The following TTC6 variants were observed in gnomAD, a reference collection of about 807,000 sequenced individuals.
TTC6 encodes the protein tetratricopeptide repeat domain 6.
A neutral mutation model predicts 210.4 loss-of-function variants in TTC6; 172 were observed. That is an observed-to-expected ratio of 0.82 (90% CI 0.72 to 0.93). The LOEUF (loss-of-function observed/expected upper bound fraction) is 0.93, where lower values mean the gene tolerates loss of function less well. Ranked by LOEUF, TTC6 falls within the 40% of genes least tolerant of loss-of-function variation. The pLI is 0.00. For synonymous variants in TTC6, 804 were observed against 819.6 expected (o/e 0.98, Z 0.32); for missense variants, 2,414 against 2,318.1 (o/e 1.04, Z -0.85).
intron 12 of TTC6, among the ~76,000 whole-genome samples, chr14:37,750,426 C>T (rs2095948326): frequency 6.6e-6 from 1 of 152,182 alleles, no homozygotes; most frequent in South Asian, 2.1e-4. Flanking sequence ...TTTGTGTCAT[C>T]ACAACCTAAC....
intron 19 of TTC6, among the ~76,000 whole-genome samples, 187 bp downstream of exon 21, chr14:37,796,557 T>A (rs560519455): frequency 6.6e-6 from 1 of 152,200 alleles, no homozygotes; most frequent in East Asian, 1.9e-4. Flanking sequence ...TGAGAGAGAA[T>A]TTTTATGGGA....
chr14:37,826,950 G>A (rs148751182), intron 28 of TTC6, among the ~76,000 whole-genome samples: 74 of 152,100 alleles, frequency 4.9e-4, no homozygotes, highest in African/African-American at 1.7e-3. Context: ...TCTATTCCTT[G>A]GAAAGGAACT....
At chr14:37,805,699 T>C (rs1320967281) in intron 21 of TTC6, among the ~76,000 whole-genome samples, 1 of 152,064 alleles carries the variant, frequency 6.6e-6, no homozygotes, top group Non-Finnish European at 1.5e-5. Context: ...GTTTTTTTGT[T>C]TGTTTGTTTG....
At chr14:37,646,301 G>C (rs1351902002) in intron 1 of TTC6, among the ~76,000 whole-genome samples, 1 of 152,074 alleles carries the variant, frequency 6.6e-6, no homozygotes, top group Admixed American at 6.6e-5. Flanking sequence ...TCTCTGTTGT[G>C]ACATTGGACA....
intron 14 of TTC6, among the ~76,000 whole-genome samples, chr14:37,774,963 G>A (rs909338412): frequency 5.3e-5 from 8 of 152,044 alleles, no homozygotes; most frequent in Admixed American, 4.6e-4. Context: ...TTCAATTTTG[G>A]GAGGGTATAT....
At chr14:37,815,106 T>C (rs1254837936) in intron 25 of TTC6, among the ~76,000 whole-genome samples, 1 of 152,160 alleles carries the variant, frequency 6.6e-6, no homozygotes, top group African/African-American at 2.4e-5. Flanking sequence ...AAAAAAGATA[T>C]AATGCTGCAA....
chr14:37,680,359 G>C (rs973667823), intron 2 of TTC6, 98 bp downstream of exon 4: 1 of 773,150 alleles, frequency 1.3e-6, no homozygotes, highest in African/African-American at 1.8e-5. Flanking sequence ...AAATTTCTCT[G>C]ATGTATTTTA....
At chr14:37,805,734 C>A (rs974778074) in intron 21 of TTC6, among the ~76,000 whole-genome samples, 10 of 152,104 alleles carry the variant, frequency 6.6e-5, no homozygotes, top group Non-Finnish European at 1.5e-5. Flanking sequence ...TGGAGTTTCG[C>A]TCTGTCGCCA....
At chr14:37,811,575 C>T (rs1399716262) in intron 24 of TTC6, among the ~76,000 whole-genome samples, 3 of 152,130 alleles carry the variant, frequency 2.0e-5, no homozygotes, top group Admixed American at 1.3e-4. Flanking sequence ...TTAAGAGATT[C>T]AGCTCCAACC....
intron 14 of TTC6, among the ~76,000 whole-genome samples, chr14:37,755,689 TCTG>T (rs935237675): frequency 8.5e-5 from 13 of 152,302 alleles, no homozygotes; most frequent in African/African-American, 1.4e-4. Context: ...TTCTGAGGTC[TCTG>T]TTCTGTTCCA....
intron 14 of TTC6, among the ~76,000 whole-genome samples, chr14:37,769,197 G>A (rs1595228907): frequency 6.6e-6 from 1 of 151,698 alleles, no homozygotes; most frequent in African/African-American, 2.4e-5. Flanking sequence ...TGCTGGATTC[G>A]TTTTGCCAGT....
At chr14:37,602,623 G>A (rs2095617870) in intron 1 of TTC6, among the ~76,000 whole-genome samples, 1 of 152,126 alleles carries the variant, frequency 6.6e-6, no homozygotes, top group Admixed American at 6.5e-5. Flanking sequence ...CCCACCGGGT[G>A]GATGAACCCA....
chr14:37,772,078 G>C (rs950570399), intron 14 of TTC6, among the ~76,000 whole-genome samples: 4 of 152,160 alleles, frequency 2.6e-5, no homozygotes, highest in Non-Finnish European at 5.9e-5. Context: ...AGGTGTCAGT[G>C]TGCCCCTGCT....
chr14:37,806,330 T>A lies in TTC6; in HGVS notation c.4165-31T>A. 2.0e-6 allele frequency: 3 copies of A among 1,521,478 alleles called. No homozygotes were observed. In the South Asian group the frequency reaches 3.6e-5, roughly 19 times the overall value. 94.2% of individuals were successfully genotyped at this position (1,521,478 alleles called of 1,614,324 possible). ...TAAAACAATATATTATATCACTAAA[T>A]GGTTTGCATTTTGACAATATGCTCC... On this transcript the variant is annotated intron_variant, in intron 21 of 30. Transcript: ENST00000553443.
chr14:37,785,178 G>A (rs1292430392), intron 14 of TTC6, among the ~76,000 whole-genome samples: 4 of 152,134 alleles, frequency 2.6e-5, no homozygotes, highest in East Asian at 1.9e-4. Flanking sequence ...TGCCTTGCTA[G>A]GTTGGGGAAG....
chr14:37,796,139 T>A (rs1951639), intron 18 of TTC6, among the ~76,000 whole-genome samples, 155 bp from the exon 21 acceptor site: 143,054 of 152,084 alleles, frequency 0.94, 67,604 homozygotes, highest in Non-Finnish European at 1. Flanking sequence ...ATATATTTAG[T>A]TTATATAAAA....
intron 1 of TTC6, among the ~76,000 whole-genome samples, chr14:37,660,239 T>A (rs1391568903): frequency 2.0e-5 from 3 of 152,112 alleles, no homozygotes; most frequent in Non-Finnish European, 4.4e-5. Context: ...TAATTTTAAT[T>A]TTTAGTTCTG....
intron 6 of TTC6, among the ~76,000 whole-genome samples, chr14:37,721,103 TAAG>T (rs1008033740): frequency 2.7e-5 from 4 of 146,334 alleles, no homozygotes; most frequent in Admixed American, 6.8e-5. Flanking sequence ...AAAAGAAAAA[TAAG>T]AAAAAAAATG....
At chr14:37,770,781 T>C (rs1394487332) in intron 14 of TTC6, among the ~76,000 whole-genome samples, 1 of 148,490 alleles carries the variant, frequency 6.7e-6, no homozygotes, top group African/African-American at 2.5e-5. Context: ...TGTCTTTTAA[T>C]TGGAGCATTT....
Sources: gnomAD v4.1 joint callset for allele counts (sites outside exome capture counted in the v4.1 genomes callset) on GRCh38, gnomAD v4.1.1 for gene constraint, MANE v1.5 for transcripts, NCBI Gene and HGNC (gene_info 2026-07-23, HGNC 2026-07-21) for gene names.